BCL2L12: variants seen among roughly 807,000 people sequenced by gnomAD.
BCL2L12 encodes the protein BCL2 like 12.
A neutral mutation model predicts 25.7 loss-of-function variants in BCL2L12; 27 were observed. That is an observed-to-expected ratio of 1.05 (90% CI 0.78 to 1.45). The LOEUF (loss-of-function observed/expected upper bound fraction) is 1.45. Ranked by LOEUF, BCL2L12 falls within the 40% of genes most tolerant of loss-of-function variation. The pLI is 0.00. For missense variants in BCL2L12, 302 were observed against 329.8 expected, an observed-to-expected ratio of 0.92 and a Z score of 0.65; for synonymous variants, 132 against 145.6, an observed-to-expected ratio of 0.91 and a Z score of 0.67.
rs777876495 is a variant in BCL2L12 at position 49,670,366 on chromosome 19, G to A, written c.580G>A (p.Ala194Thr). ...CCCGCCTCCTTCCCCGGAGCCCCTG[G>A]CCCGCCTGGCCCTAGCCATGGAGCT... is the stretch of plus-strand genomic sequence containing the variant. ...GPPPPSPEPL[A>T]RLALAMELSR... is the part of the protein sequence containing the mutation. Residue 194 changes from alanine (A) to threonine (T), a missense_variant, in exon 6 of 7, where the codon GCC becomes ACC. Coordinates refer to ENST00000246784, the MANE Select transcript of BCL2L12 (RefSeq NM_138639.2). The A allele has an allele frequency of 1.0e-5, 16 of 1,582,738 alleles. No homozygotes were observed. In the East Asian group the frequency reaches 3.5e-4, roughly 34 times the overall value.
Position 49,665,991 on chromosome 19 carries a change from A to T in BCL2L12, c.-85A>T, listed in dbSNP as rs776259017. On this transcript the variant is annotated 5_prime_UTR_variant, in exon 1 of 7. Coordinates refer to ENST00000246784, the MANE Select transcript of BCL2L12 (RefSeq NM_138639.2). The stretch of plus-strand genomic sequence containing the variant: ...CAGTGCGCAGGCGCGGGAAAGTTGA[A>T]CTAATAAAGTTTGTACGAGTTCAGT... The T allele has an allele frequency of 2.9e-5, 46 of 1,607,442 alleles. No individual in the cohort carries two copies. Among genetic ancestry groups the T allele is most frequent in the Non-Finnish European group, 3.1e-5 (36 of 1,176,552 alleles).
chr19:49,673,606 C>A, intron 6 of BCL2L12, 92 bp from the exon 7 acceptor site: 1 of 1,102,080 alleles, frequency 9.1e-7, no homozygotes, highest in South Asian at 1.2e-5. Context: ...TCCTCGCCTT[C>A]CCGTCTCTAA....
intron 6 of BCL2L12, among the ~76,000 whole-genome samples, chr19:49,671,035 G>T (rs541487685): frequency 4.6e-4 from 70 of 152,228 alleles, no homozygotes; most frequent in African/African-American, 1.6e-3. Context: ...GGTGGCAGGT[G>T]CCTGTAATCC....
intron 1 of BCL2L12, among the ~76,000 whole-genome samples, chr19:49,666,359 G>A (rs753257492): frequency 2.0e-5 from 3 of 152,182 alleles, no homozygotes; most frequent in Non-Finnish European, 2.9e-5. Flanking sequence ...GGGGCGCTAA[G>A]CCTCTTCTTC....
intron 6 of BCL2L12, among the ~76,000 whole-genome samples, chr19:49,671,715 C>G (rs2122872270): frequency 6.6e-6 from 1 of 152,254 alleles, no homozygotes; most frequent in East Asian, 1.9e-4. Context: ...ATGTGGTAAG[C>G]CCTCTGTGCA....
chr19:49,665,609 C>CA, upstream of BCL2L12: 1 of 597,508 alleles, frequency 1.7e-6, no homozygotes, highest in South Asian at 2.1e-5. Context: ...CACCAACGCT[C>CA]TCCCGGGCTC....
intron 3 of BCL2L12, among the ~76,000 whole-genome samples, chr19:49,667,881 A>G (rs2081855191): frequency 6.6e-6 from 1 of 151,966 alleles, no homozygotes; most frequent in Non-Finnish European, 1.5e-5. Context: ...CCTGGGTTCA[A>G]GCGATTCTCG....
In BCL2L12 at chr19:49,673,727, C is replaced by T. The variant is rs752439667; in HGVS notation, c.732C>T (p.Asp244=). The change falls in exon 7 of 7, where the codon GAC becomes GAT. Residue 244 remains aspartate, a synonymous_variant. Transcript: ENST00000246784. ...GCATCCTGGCTGTTTCACCCGTGGA[C>T]TTGAACTTGCCATTGGACTGAGCTC... ...WEGILAVSPV[D]LNLPLD 3 of 1,614,156 alleles carry T rather than the reference C, an allele frequency of 1.9e-6. No individual in the cohort carries two copies. The highest frequency in any genetic ancestry group is 1.1e-5 in the South Asian group (1 of 91,084).
intron 5 of BCL2L12, 71 bp from the exon 6 acceptor site, chr19:49,670,145 C>T (rs1158502579): frequency 2.0e-6 from 3 of 1,537,644 alleles, no homozygotes; most frequent in African/African-American, 2.8e-5. Flanking sequence ...CGGGAAGCCA[C>T]GCCTCCCGGC....
At chr19:49,666,151 C>T in intron 1 of BCL2L12, 84 bp downstream of exon 1, 1 of 1,461,550 alleles carries the variant, frequency 6.8e-7, no homozygotes, top group Non-Finnish European at 9.2e-7. Context: ...AGTCCCGCTT[C>T]TCTGATATCC....
intron 3 of BCL2L12, 122 bp from the exon 4 acceptor site, chr19:49,668,729 A>G (rs971266546): frequency 1.2e-5 from 12 of 1,009,780 alleles, no homozygotes; most frequent in African/African-American, 1.2e-4. Context: ...CCCAAAATCA[A>G]TACATAAATA....
chr19:49,673,301 G>A (rs771400135), intron 6 of BCL2L12, among the ~76,000 whole-genome samples: 7 of 152,080 alleles, frequency 4.6e-5, no homozygotes, highest in Admixed American at 2.0e-4. Context: ...TATTGTCCTC[G>A]TCTTGTGGGG....
intron 1 of BCL2L12, among the ~76,000 whole-genome samples, 167 bp downstream of exon 1, chr19:49,666,234 C>A (rs946640607): frequency 6.6e-6 from 1 of 152,194 alleles, no homozygotes; most frequent in African/African-American, 2.4e-5. Flanking sequence ...GGCTGCGCGG[C>A]GAAGAAGCGC....
At chr19:49,670,866 ATAAC>A (rs745884402) in intron 6 of BCL2L12, among the ~76,000 whole-genome samples, 8 of 152,120 alleles carry the variant, frequency 5.3e-5, no homozygotes, top group Non-Finnish European at 1.0e-4. Context: ...AAAATTGAAA[ATAAC>A]TAGCCAGGGT....
chr19:49,665,643 G>A (rs899329786), upstream of BCL2L12: 11 of 744,226 alleles, frequency 1.5e-5, no homozygotes, highest in Middle Eastern at 8.1e-4. Flanking sequence ...ACGATGGAAG[G>A]TCGGGGCGTG....
chr19:49,670,598 C>G, intron 6 of BCL2L12, 110 bp downstream of exon 6: 6 of 1,401,960 alleles, frequency 4.3e-6, no homozygotes, highest in Non-Finnish European at 5.7e-6. Flanking sequence ...ATTCTCCCAG[C>G]TCCACTGCGT....
chr19:49,670,311 C>T lies in BCL2L12; in HGVS notation c.525C>T (p.Ser175=), dbSNP rs775607397. 2 of 1,608,836 alleles carry T rather than the reference C, an allele frequency of 1.2e-6. No homozygotes were observed. The highest frequency in any genetic ancestry group is 1.3e-5 in the African/African-American group (1 of 74,950). ...LVELFCSRDD[S]SRPSRACPGP... ...AGCTGTTCTGTAGCCGGGATGACAG[C>T]TCTCGCCCAAGCCGAGCATGCCCCG... The change falls in exon 6 of 7, where the codon AGC becomes AGT. Residue 175 remains serine (S), a synonymous_variant. Coordinates refer to ENST00000246784, the MANE Select transcript of BCL2L12 (RefSeq NM_138639.2).
chr19:49,665,690 G>A (rs755714719), upstream of BCL2L12: 5 of 1,243,576 alleles, frequency 4.0e-6, no homozygotes, highest in Middle Eastern at 2.9e-4. Context: ...TGGAGCTCCG[G>A]GTAGCTCTCA....
rs1238581561 is a variant in BCL2L12, at chr19:49,667,067, A to T, written c.156A>T (p.Arg52Ser). Residue 52 changes from arginine to serine, a missense_variant, in exon 3 of 7, where the codon AGA becomes AGT. Transcript: ENST00000246784. ...EPTDFLSRLR[R>S]CLPCSLGRGA... ...CAGACTTCCTGAGCCGCCTTCGAAG[A>T]TGTCTTCCCTGCTCCCTGGGGCGAG... 1 of 1,613,590 alleles carries T rather than the reference A, an allele frequency of 6.2e-7. No individual in the cohort carries two copies. The highest frequency in any genetic ancestry group is 8.5e-7 in the Non-Finnish European group (1 of 1,179,990).
Sources: gnomAD v4.1 joint callset for allele counts (sites outside exome capture counted in the v4.1 genomes callset) on GRCh38, gnomAD v4.1.1 for gene constraint, MANE v1.5 for transcripts, NCBI Gene and HGNC (gene_info 2026-07-23, HGNC 2026-07-21) for gene names.